Variants in B3GALT1 observed in about 807,000 individuals in gnomAD.
The protein encoded by B3GALT1 is beta-1,3-galactosyltransferase 1.
In B3GALT1, 10 loss-of-function variants were observed where a neutral mutation model predicts 23.2. That is an observed-to-expected ratio of 0.43 (90% CI 0.27 to 0.73). The LOEUF is 0.73. B3GALT1 is among the 30% of genes least tolerant of loss of function. The pLI is 0.21. For missense variants in B3GALT1, 299 were observed against 405.4 expected, an observed-to-expected ratio of 0.74 and a Z score of 2.25; for synonymous variants, 156 against 141.5, an observed-to-expected ratio of 1.10 and a Z score of -0.73.
chr2:167,507,378 G>A (rs1340983107), intron 2 of B3GALT1, among the ~76,000 whole-genome samples: 2 of 151,520 alleles, frequency 1.3e-5, no homozygotes, highest in African/African-American at 2.4e-5. Context: ...GTGGTGGCAC[G>A]CACCTGTAAT....
chr2:167,367,566 G>T (rs1040139923), intron 1 of B3GALT1, among the ~76,000 whole-genome samples: 2 of 152,128 alleles, frequency 1.3e-5, no homozygotes, highest in African/African-American at 4.8e-5. Flanking sequence ...TTACAGGTTT[G>T]TCTGTTATGT....
intron 2 of B3GALT1, among the ~76,000 whole-genome samples, chr2:167,548,685 A>AGAGTGTGT (rs1553466241): frequency 2.8e-5 from 4 of 144,706 alleles, no homozygotes; most frequent in East Asian, 2.0e-4. Flanking sequence ...CGTGTGTGTG[A>AGAGTGTGT]GTGTGTGTGT....
At chr2:167,480,739 C>A (rs1362740163) in intron 1 of B3GALT1, among the ~76,000 whole-genome samples, 2 of 152,162 alleles carry the variant, frequency 1.3e-5, no homozygotes, top group African/African-American at 4.8e-5. Flanking sequence ...AGGTTATTTT[C>A]TTCTCAAGTT....
intron 4 of B3GALT1, among the ~76,000 whole-genome samples, chr2:167,853,438 A>G (rs1408917135): frequency 1.3e-5 from 2 of 152,084 alleles, no homozygotes; most frequent in Non-Finnish European, 2.9e-5. Context: ...ATAATTAACT[A>G]TTTCAATTGT....
chr2:167,436,664 C>T (rs1444320550), intron 1 of B3GALT1, among the ~76,000 whole-genome samples: 1 of 152,122 alleles, frequency 6.6e-6, no homozygotes, highest in African/African-American at 2.4e-5. Context: ...ATGTGACCCA[C>T]TTTCATCTCT....
intron 3 of B3GALT1, among the ~76,000 whole-genome samples, chr2:167,763,677 C>G (rs977740578): frequency 1.2e-5 from 1 of 85,848 alleles, no homozygotes; most frequent in Non-Finnish European, 2.1e-5. Context: ...AGTGTCAGAG[C>G]AAGACTCTGT....
At chr2:167,582,033 A>C (rs531646988) in intron 2 of B3GALT1, among the ~76,000 whole-genome samples, 1 of 152,192 alleles carries the variant, frequency 6.6e-6, no homozygotes, top group African/African-American at 2.4e-5. Context: ...AAGATAGAAG[A>C]ATAGCTCCTC....
chr2:167,492,119 A>G (rs754696390), intron 2 of B3GALT1, among the ~76,000 whole-genome samples: 2 of 152,098 alleles, frequency 1.3e-5, no homozygotes, highest in Admixed American at 6.6e-5. Flanking sequence ...AAAATCCCAC[A>G]TCTTCCTCTG....
At chr2:167,777,545 G>A (rs1406379866) in intron 3 of B3GALT1, among the ~76,000 whole-genome samples, 2 of 151,962 alleles carry the variant, frequency 1.3e-5, no homozygotes, top group Admixed American at 6.6e-5. Context: ...ACGTGGTTTC[G>A]CCTTGTTGGC....
rs1422771111 is a variant in B3GALT1 at position 167,390,849 on chromosome 2, T to C, written c.-511+97515T>C. 3.9e-5 allele frequency among the ~76,000 whole-genome samples: 6 copies of C among 152,254 alleles called. No individual in the cohort carries two copies. In the East Asian group the frequency reaches 1.2e-3, roughly 29 times the overall value. On this transcript the variant is annotated intron_variant, in intron 1 of 4. Coordinates refer to ENST00000392690, the MANE Select transcript of B3GALT1 (RefSeq NM_020981.4). ...AATTACTCATCTATTCATTTTAATC[T>C]AACGCAGTCATTGATCTCCCTTCCT...
At position 167,564,315 on chromosome 2, in the gene B3GALT1, A is replaced by C. The variant is rs186471458; in HGVS notation, c.-410+74038A>C. Among the ~76,000 whole-genome samples, 168 of 136,318 alleles carry C rather than the reference A, an allele frequency of 1.2e-3. 1 individual carries two copies. In the Middle Eastern group the frequency reaches 0.042, roughly 34 times the overall value. The allele number at this position is 136,318 out of a possible 152,430, so 89.4% of individuals were successfully genotyped here. A position where few individuals can be genotyped will look rare whatever the true frequency, so the allele number is the denominator to read the frequency against. The stretch of plus-strand genomic sequence containing the variant: ...CCTCCCAGATGTGATGGCGGCCGGG[A>C]AGAGGCGCTCCCCACCTCCTAGATG... On this transcript the variant is annotated intron_variant, in intron 2 of 4. Coordinates refer to ENST00000392690, the MANE Select transcript of B3GALT1 (RefSeq NM_020981.4).
chr2:167,649,633 TG>T (rs780550488), intron 3 of B3GALT1, among the ~76,000 whole-genome samples: 51 of 152,216 alleles, frequency 3.4e-4, no homozygotes, highest in Middle Eastern at 6.8e-3. Flanking sequence ...ATCAGTAATT[TG>T]TTTCCTTTTT....
At chr2:167,587,295 T>A (rs1425875787) in intron 2 of B3GALT1, among the ~76,000 whole-genome samples, 13 of 152,244 alleles carry the variant, frequency 8.5e-5, no homozygotes, top group Admixed American at 8.5e-4. Flanking sequence ...CAAACCCATA[T>A]TATCATTTTA....
At chr2:167,579,552 C>A (rs1300777823) in intron 2 of B3GALT1, among the ~76,000 whole-genome samples, 1 of 150,128 alleles carries the variant, frequency 6.7e-6, no homozygotes, top group Non-Finnish European at 1.5e-5. Context: ...TTTTCAAGGT[C>A]GCTGACACTC....
At chr2:167,658,403 T>C (rs1265481951) in intron 3 of B3GALT1, among the ~76,000 whole-genome samples, 1 of 151,878 alleles carries the variant, frequency 6.6e-6, no homozygotes, top group Non-Finnish European at 1.5e-5. Context: ...TTTTAGAAAA[T>C]TAAAAGAGAT....
intron 1 of B3GALT1, among the ~76,000 whole-genome samples, chr2:167,346,990 A>G (rs1697231672): frequency 6.6e-6 from 1 of 152,176 alleles, no homozygotes; most frequent in Non-Finnish European, 1.5e-5. Context: ...TGTAGTTATT[A>G]TTTTTGTCAT....
At chr2:167,448,708 A>G (rs530698455) in intron 1 of B3GALT1, among the ~76,000 whole-genome samples, 2 of 152,172 alleles carry the variant, frequency 1.3e-5, no homozygotes, top group East Asian at 1.9e-4. Context: ...TTCTGATGGT[A>G]TCTTCTAGAA....
At chr2:167,617,850 T>C (rs368322863) in intron 2 of B3GALT1, among the ~76,000 whole-genome samples, 14 of 152,102 alleles carry the variant, frequency 9.2e-5, no homozygotes, top group East Asian at 5.8e-4. Flanking sequence ...ATTTCCTCTT[T>C]AATGCACTGT....
chr2:167,520,835 G>T (rs1700177006), intron 2 of B3GALT1, among the ~76,000 whole-genome samples: 1 of 152,182 alleles, frequency 6.6e-6, no homozygotes, highest in African/African-American at 2.4e-5. Flanking sequence ...GCAATGGGTT[G>T]GCACCCATCA....
Sources: gnomAD v4.1 joint callset for allele counts (sites outside exome capture counted in the v4.1 genomes callset) on GRCh38, gnomAD v4.1.1 for gene constraint, MANE v1.5 for transcripts, NCBI Gene and HGNC (gene_info 2026-07-23, HGNC 2026-07-21) for gene names.